The following TRERF1 variants were observed in gnomAD, a reference collection of about 807,000 sequenced individuals.
TRERF1 encodes transcriptional-regulating factor 1.
TRERF1 carries 27 observed loss-of-function variants against 122.9 expected under a neutral mutation model. The ratio of observed to expected loss-of-function variants is 0.22; its 90% CI spans 0.16 to 0.30. The LOEUF is 0.30. TRERF1 is among the 10% of genes least tolerant of loss of function. The pLI, the probability that TRERF1 is intolerant of heterozygous loss-of-function variation, is 1.00. For synonymous variants in TRERF1, 636 were observed against 641.7 expected, an observed-to-expected ratio of 0.99 and a Z score of 0.13; for missense variants, 1,248 against 1,560.3, an observed-to-expected ratio of 0.80 and a Z score of 3.37.
intron 2 of TRERF1, among the ~76,000 whole-genome samples, chr6:42,429,520 T>C (rs1239067471): frequency 6.6e-6 from 1 of 152,140 alleles, no homozygotes; most frequent in African/African-American, 2.4e-5. Flanking sequence ...TTTTGTTTCA[T>C]AACAGTCTTA....
At chr6:42,385,295 T>G (rs777129184) in intron 2 of TRERF1, among the ~76,000 whole-genome samples, 14 of 151,982 alleles carry the variant, frequency 9.2e-5, no homozygotes, top group Non-Finnish European at 1.9e-4. Flanking sequence ...GTTTTCTGAT[T>G]CAAAAGTAGG....
At chr6:42,243,389 C>T (rs1470886725) in intron 14 of TRERF1, 28 bp from the exon 15 acceptor site, 2 of 1,505,276 alleles carry the variant, frequency 1.3e-6, no homozygotes, top group Admixed American at 3.4e-5. Flanking sequence ...TCAAGGTTAG[C>T]TCCAGCAATG....
At chr6:42,322,164 G>A (rs921542695) in intron 3 of TRERF1, among the ~76,000 whole-genome samples, 16 of 152,034 alleles carry the variant, frequency 1.1e-4, no homozygotes, top group African/African-American at 3.9e-4. Flanking sequence ...ACTTATAAAG[G>A]TAACTAAGCA....
chr6:42,405,146 G>A (rs1376302750), intron 2 of TRERF1, among the ~76,000 whole-genome samples: 1 of 151,808 alleles, frequency 6.6e-6, no homozygotes, highest in African/African-American at 2.4e-5. Flanking sequence ...GAAAAGTGAG[G>A]CATTAAGGGT....
chr6:42,269,558 A>G lies in TRERF1; in HGVS notation c.33T>C (p.His11=), dbSNP rs754017384. 2.5e-6 allele frequency: 4 copies of G among 1,614,196 alleles called. No individual in the cohort carries two copies. The highest frequency in any genetic ancestry group is 1.7e-5 in the Admixed American group (1 of 60,024). The change falls in exon 5 of 18, where the codon CAT becomes CAC. Residue 11 remains histidine, a synonymous_variant. Transcript: ENST00000372922. This position sits in a 1 kb window ranked among gnomAD's most constrained non-coding sequence, Gnocchi z 4.9. ...AAAGGTTCTCACTACCATGGGCCAC[A>G]TGGTTGGTCTTGTACAGTTGCTGGT... is the stretch of plus-strand genomic sequence containing the variant.
chr6:42,443,407 T>G (rs922710931), intron 2 of TRERF1, among the ~76,000 whole-genome samples: 2 of 152,276 alleles, frequency 1.3e-5, no homozygotes, highest in Non-Finnish European at 2.9e-5. Flanking sequence ...GAGAATTGAC[T>G]TTCCAGCATA....
chr6:42,248,595 G>A (rs993642068), intron 13 of TRERF1, among the ~76,000 whole-genome samples: 2 of 152,068 alleles, frequency 1.3e-5, no homozygotes, highest in Non-Finnish European at 2.9e-5. Flanking sequence ...GAAGTGATCC[G>A]CTTGCCTCAG....
chr6:42,262,532 A>C lies in TRERF1; in HGVS notation c.1884+788T>G, dbSNP rs866009147. Among the ~76,000 whole-genome samples the C allele has an allele frequency of 2.9e-3, 173 of 60,586 alleles. 25 individuals are homozygous for C. The highest frequency in any genetic ancestry group is 0.017 in the East Asian group (23 of 1,378). 39.7% of individuals were successfully genotyped at this position (60,586 alleles called of 152,430 possible). On this transcript the variant is annotated intron_variant, in intron 8 of 17. Transcript: ENST00000372922. ...GAGAGAGAGAGAGAGAGAGAGAGAG[A>C]GAGAGAGAGAGAGAGAGAGAGAGAG...
intron 3 of TRERF1, among the ~76,000 whole-genome samples, chr6:42,322,726 A>AGT (rs1487748966): frequency 6.6e-6 from 1 of 152,250 alleles, no homozygotes; most frequent in Non-Finnish European, 1.5e-5. Context: ...AAGGCAGAAC[A>AGT]GTGTTACTGT....
chr6:42,359,152 T>C (rs778956443), intron 3 of TRERF1, among the ~76,000 whole-genome samples: 8 of 152,202 alleles, frequency 5.3e-5, no homozygotes, highest in Non-Finnish European at 8.8e-5. Context: ...TCCGCACCGT[T>C]AATCTGGGAA....
At chr6:42,326,658 A>G (rs769579057) in intron 3 of TRERF1, among the ~76,000 whole-genome samples, 2 of 152,166 alleles carry the variant, frequency 1.3e-5, no homozygotes, top group Non-Finnish European at 2.9e-5. Flanking sequence ...CTCCCTTTCC[A>G]TGGGGCTGTT....
At chr6:42,262,528 A>G (rs1182217430) in intron 8 of TRERF1, among the ~76,000 whole-genome samples, 1 of 49,914 alleles carries the variant, frequency 2.0e-5, no homozygotes, top group Non-Finnish European at 4.4e-5. Flanking sequence ...AGAGAGAGAG[A>G]GAGAGAGAGA....
chr6:42,405,125 C>A (rs1308901851), intron 2 of TRERF1, among the ~76,000 whole-genome samples: 2 of 152,034 alleles, frequency 1.3e-5, no homozygotes, highest in Non-Finnish European at 2.9e-5. Flanking sequence ...ATCACTGCCA[C>A]TTTATAGACA....
chr6:42,265,219 A>T lies in TRERF1; in HGVS notation c.1485-365T>A, dbSNP rs1020615550. 7.2e-5 allele frequency among the ~76,000 whole-genome samples: 11 copies of T among 152,186 alleles called. No individual in the cohort carries two copies. In the South Asian group the frequency reaches 2.3e-3, roughly 32 times the overall value. ...CCTCCCCACTTAGAGACATTTGTGC[A>T]AGTTCCTGGGGCAGCCGCCGTACTG... is the stretch of plus-strand genomic sequence containing the variant. On this transcript the variant is annotated intron_variant, in intron 6 of 17. Transcript: ENST00000372922.
At chr6:42,448,068 A>G (rs958349235) in intron 2 of TRERF1, among the ~76,000 whole-genome samples, 1 of 152,232 alleles carries the variant, frequency 6.6e-6, no homozygotes, top group Non-Finnish European at 1.5e-5. Flanking sequence ...TCTCCCAAAA[A>G]TGCCCATAGT....
At chr6:42,342,989 C>T (rs1013563642) in intron 3 of TRERF1, among the ~76,000 whole-genome samples, 2 of 152,116 alleles carry the variant, frequency 1.3e-5, no homozygotes, top group African/African-American at 4.8e-5. Flanking sequence ...CACATGGCTC[C>T]CACACCAGTC....
intron 2 of TRERF1, among the ~76,000 whole-genome samples, chr6:42,436,319 A>G (rs908087586): frequency 4.6e-5 from 7 of 152,102 alleles, no homozygotes; most frequent in African/African-American, 1.7e-4. Flanking sequence ...TAGTGAGCCA[A>G]GATCGCACCA....
intron 3 of TRERF1, among the ~76,000 whole-genome samples, chr6:42,320,897 A>G (rs1371559513): frequency 6.6e-6 from 1 of 152,186 alleles, no homozygotes; most frequent in Non-Finnish European, 1.5e-5. Context: ...ACTTTGTGGA[A>G]AACAGACAGA....
At chr6:42,270,193 C>G (rs867004268) in intron 4 of TRERF1, among the ~76,000 whole-genome samples, 13 of 151,624 alleles carry the variant, frequency 8.6e-5, no homozygotes, top group South Asian at 6.3e-4. Flanking sequence ...CTCTCTCTCT[C>G]TCTGTGTGTG....
Sources: allele counts gnomAD v4.1 joint callset (sites outside exome capture counted in the v4.1 genomes callset), GRCh38; gene constraint gnomAD v4.1.1; non-coding constraint Gnocchi (gnomAD v3.1); transcripts MANE v1.5; gene names NCBI Gene and HGNC (gene_info 2026-07-23, HGNC 2026-07-21).